The following PCDH9 variants were observed in gnomAD, a reference collection of about 807,000 sequenced individuals.
PCDH9 encodes protocadherin 9, also known as protocadherin-9.
A neutral mutation model predicts 70.6 loss-of-function variants in PCDH9; 24 were observed. That is an observed-to-expected ratio of 0.34 (90% CI 0.25 to 0.48). The LOEUF (loss-of-function observed/expected upper bound fraction) is 0.48, where lower values mean the gene tolerates loss of function less well. PCDH9 is among the 20% of genes least tolerant of loss of function. The pLI is 0.99. For synonymous variants in PCDH9, 562 were observed against 558.5 expected (o/e 1.01, Z -0.09); for missense variants, 1,281 against 1,503.6 (o/e 0.85, Z 2.45).
At chr13:66,760,563 G>A (rs779787778) in intron 3 of PCDH9, among the ~76,000 whole-genome samples, 1 of 152,148 alleles carries the variant, frequency 6.6e-6, no homozygotes, top group Admixed American at 6.6e-5. Flanking sequence ...AGGACCCTGT[G>A]ATGATTGTTA....
chr13:67,168,626 G>C (rs1298705615), intron 2 of PCDH9, among the ~76,000 whole-genome samples: 2 of 151,958 alleles, frequency 1.3e-5, no homozygotes, highest in African/African-American at 4.8e-5. Context: ...AGCTACTCAA[G>C]AGGCTGAGAT....
intron 4 of PCDH9, among the ~76,000 whole-genome samples, chr13:66,403,070 A>T (rs1957216233): frequency 1.3e-5 from 2 of 149,876 alleles, no homozygotes; most frequent in Admixed American, 6.7e-5. Flanking sequence ...CAGGAGAATT[A>T]TTGGTAACTC....
At chr13:66,334,810 A>T (rs930465331) in intron 4 of PCDH9, among the ~76,000 whole-genome samples, 3 of 152,088 alleles carry the variant, frequency 2.0e-5, no homozygotes, top group African/African-American at 7.2e-5. Context: ...CTTTTGATTC[A>T]TATCTTATAA....
intron 2 of PCDH9, among the ~76,000 whole-genome samples, chr13:67,194,210 G>A (rs1466921041): frequency 6.6e-6 from 1 of 152,008 alleles, no homozygotes; most frequent in Non-Finnish European, 1.5e-5. Context: ...GTTGATTACT[G>A]CACTCATATA....
At chr13:66,906,700 T>G (rs1292618574) in intron 2 of PCDH9, among the ~76,000 whole-genome samples, 1 of 152,164 alleles carries the variant, frequency 6.6e-6, no homozygotes, top group African/African-American at 2.4e-5. Flanking sequence ...TTGAGTCTTT[T>G]GAGGTAAATT....
intron 2 of PCDH9, among the ~76,000 whole-genome samples, chr13:67,174,815 A>G (rs570284506): frequency 6.6e-6 from 1 of 152,260 alleles, no homozygotes; most frequent in African/African-American, 2.4e-5. Flanking sequence ...ATTTTGCATT[A>G]TATATCTAGA....
At chr13:66,405,321 C>T (rs557469012) in intron 4 of PCDH9, among the ~76,000 whole-genome samples, 2 of 152,286 alleles carry the variant, frequency 1.3e-5, no homozygotes, top group South Asian at 4.1e-4. Context: ...TTGCAAATAA[C>T]TGGTGGTTGC....
At chr13:66,860,295 G>T (rs2081460878) in intron 3 of PCDH9, among the ~76,000 whole-genome samples, 1 of 152,050 alleles carries the variant, frequency 6.6e-6, no homozygotes, top group Non-Finnish European at 1.5e-5. Flanking sequence ...AGCATTCGCA[G>T]CAGCTTCTGG....
In PCDH9 at chr13:66,756,706, T is replaced by C. The variant is rs1233781981; in HGVS notation, c.3139-125295A>G. Among the ~76,000 whole-genome samples, 3 of 152,186 alleles carry C rather than the reference T, an allele frequency of 2.0e-5. No individual in the cohort carries two copies. In the South Asian group the frequency reaches 6.2e-4, roughly 32 times the overall value. The stretch of plus-strand genomic sequence containing the variant: ...AAGGAGATAGTGTTGATACTGCTAG[T>C]TTTACATCAAATTCTGTTTTCTGAT... On this transcript the variant is annotated intron_variant, in intron 3 of 4. Coordinates refer to ENST00000377865, the MANE Select transcript of PCDH9 (RefSeq NM_203487.3).
chr13:67,143,721 C>A (rs1191309455), intron 2 of PCDH9, among the ~76,000 whole-genome samples: 3 of 152,064 alleles, frequency 2.0e-5, no homozygotes, highest in Non-Finnish European at 4.4e-5. Context: ...CACTGCTGGC[C>A]AAACAATAGA....
At chr13:67,169,423 A>G (rs753798416) in intron 2 of PCDH9, among the ~76,000 whole-genome samples, 1 of 152,212 alleles carries the variant, frequency 6.6e-6, no homozygotes, top group Non-Finnish European at 1.5e-5. Context: ...AATTCGTTCC[A>G]ATTTTATTGT....
intron 4 of PCDH9, among the ~76,000 whole-genome samples, chr13:66,544,526 T>A (rs144945972): frequency 1.3e-5 from 2 of 152,302 alleles, no homozygotes; most frequent in East Asian, 1.9e-4. Flanking sequence ...GTGTTAGGAA[T>A]CTTTTATTGA....
At chr13:67,060,531 G>A (rs1334801837) in intron 2 of PCDH9, among the ~76,000 whole-genome samples, 2 of 151,860 alleles carry the variant, frequency 1.3e-5, no homozygotes, top group African/African-American at 4.8e-5. Context: ...CCTGAGTATT[G>A]TTTTCACTTT....
At chr13:66,815,235 C>T (rs1211302587) in intron 3 of PCDH9, among the ~76,000 whole-genome samples, 1 of 152,104 alleles carries the variant, frequency 6.6e-6, no homozygotes, top group African/African-American at 2.4e-5. Context: ...CCATCTCGCA[C>T]CAGTCAGAAT....
intron 3 of PCDH9, among the ~76,000 whole-genome samples, chr13:66,743,549 C>T (rs903763182): frequency 6.6e-6 from 1 of 151,282 alleles, no homozygotes; most frequent in Non-Finnish European, 1.5e-5. Context: ...TTCAATTAGA[C>T]AGGAGGAATA....
At chr13:67,169,097 A>G (rs1302803926) in intron 2 of PCDH9, among the ~76,000 whole-genome samples, 2 of 152,218 alleles carry the variant, frequency 1.3e-5, no homozygotes, top group African/African-American at 4.8e-5. Flanking sequence ...ACATTGTGAC[A>G]CTGGAAGTCC....
intron 2 of PCDH9, chr13:67,216,580 T>A (rs1461688065): frequency 6.6e-6 from 1 of 150,552 alleles, no homozygotes; most frequent in East Asian, 2.0e-4. Context: ...AAGGAAAATA[T>A]ATTATCTGAG....
intron 4 of PCDH9, among the ~76,000 whole-genome samples, chr13:66,399,298 T>A (rs78096791): frequency 0.015 from 2,226 of 152,234 alleles, 65 homozygotes; most frequent in African/African-American, 0.051. Context: ...AGGGTGGGGC[T>A]GTACTATTTC....
chr13:66,408,787 T>A lies in PCDH9; in HGVS notation c.3341-103759A>T, dbSNP rs374171976. Reference sequence around the variant, plus strand: ...CATACACGAAATCACTGAATAGGCTTAAGTTAAATGGCATTAGGTAGTAAA... The same window carrying A: ...CATACACGAAATCACTGAATAGGCTAAAGTTAAATGGCATTAGGTAGTAAA... On this transcript the variant is annotated intron_variant, in intron 4 of 4. Transcript: ENST00000377865. Among the ~76,000 whole-genome samples, 5 of 152,266 alleles carry A rather than the reference T, an allele frequency of 3.3e-5. No homozygotes were observed. The East Asian group carries it at 7.7e-4, about 23-fold the overall frequency.
Sources: gnomAD v4.1 joint callset for allele counts (sites outside exome capture counted in the v4.1 genomes callset) on GRCh38, gnomAD v4.1.1 for gene constraint, MANE v1.5 for transcripts, NCBI Gene and HGNC (gene_info 2026-07-23, HGNC 2026-07-21) for gene names.